Variants in IL7 observed in about 807,000 individuals in gnomAD.
IL7 encodes the protein interleukin 7, also known as interleukin-7.
A neutral mutation model predicts 21.6 loss-of-function variants in IL7; 3 were observed. The observed-to-expected ratio is 0.14, with a 90% CI of 0.06 to 0.36. The LOEUF is 0.36. Among genes scored for constraint, IL7 ranks in the 10% least tolerant of loss-of-function variants. The probability of loss-of-function intolerance (pLI) is 1.00; values close to 1 mark genes in which losing one functional copy is unlikely to be tolerated. For missense variants in IL7, 175 were observed against 200.2 expected, an observed-to-expected ratio of 0.87 and a Z score of 0.76; for synonymous variants, 62 against 68.1, an observed-to-expected ratio of 0.91 and a Z score of 0.44.
chr8:78,775,653 T>G (rs1020604768), intron 2 of IL7, among the ~76,000 whole-genome samples: 7 of 152,130 alleles, frequency 4.6e-5, no homozygotes, highest in East Asian at 3.9e-4. Flanking sequence ...TTTCCAGTCC[T>G]TTTTCTTCCT....
downstream of IL7, chr8:78,715,363 A>T: frequency 6.4e-7 from 1 of 1,552,978 alleles, no homozygotes; most frequent in Non-Finnish European, 8.8e-7. Context: ...TAACTAAAAT[A>T]AAATTGAGTA....
intron 3 of IL7, among the ~76,000 whole-genome samples, chr8:78,686,830 A>G (rs972742052): frequency 3.9e-5 from 6 of 152,112 alleles, no homozygotes; most frequent in African/African-American, 1.4e-4. Context: ...TAATACTTTT[A>G]TTTAAACAAG....
At chr8:78,715,207 C>G, downstream of IL7, 1 of 1,607,538 alleles carries the variant, frequency 6.2e-7, no homozygotes, top group Non-Finnish European at 8.5e-7. Flanking sequence ...CATTATTTTT[C>G]CTCTTTTTTA....
chr8:78,737,827 A>G (rs913963220), intron 4 of IL7, among the ~76,000 whole-genome samples: 23 of 152,134 alleles, frequency 1.5e-4, no homozygotes, highest in Admixed American at 7.2e-4. Flanking sequence ...AAAATAAAGC[A>G]CTGTATTAAA....
downstream of IL7, among the ~76,000 whole-genome samples, chr8:78,727,927 A>T (rs1811364940): frequency 6.6e-6 from 1 of 151,968 alleles, no homozygotes; most frequent in African/African-American, 2.4e-5. Flanking sequence ...TCCTATATCC[A>T]TAGGATATAA....
intron 2 of IL7, chr8:78,762,220 T>C: frequency 1.3e-6 from 2 of 1,580,876 alleles, no homozygotes; most frequent in Non-Finnish European, 1.7e-6. Context: ...AAGGACCAGT[T>C]CTACAGATCA....
intron 3 of IL7, among the ~76,000 whole-genome samples, chr8:78,708,549 CT>C (rs1376787084): frequency 2.0e-5 from 3 of 151,668 alleles, no homozygotes; most frequent in Non-Finnish European, 2.9e-5. Context: ...CTTTTTAAAC[CT>C]TTTTTTAAAT....
chr8:78,740,560 C>T (rs971286698), intron 2 of IL7, among the ~76,000 whole-genome samples: 1 of 152,102 alleles, frequency 6.6e-6, no homozygotes, highest in African/African-American at 2.4e-5. Flanking sequence ...TATAACATAC[C>T]TAAACCCTTT....
intron 2 of IL7, among the ~76,000 whole-genome samples, chr8:78,743,438 T>C (rs1436308293): frequency 6.6e-6 from 1 of 152,166 alleles, no homozygotes; most frequent in Non-Finnish European, 1.5e-5. Flanking sequence ...TTCTGACTGG[T>C]GTGATATGGT....
chr8:78,788,650 T>C (rs1813589939), intron 2 of IL7, among the ~76,000 whole-genome samples: 1 of 152,162 alleles, frequency 6.6e-6, no homozygotes, highest in South Asian at 2.1e-4. Context: ...CAGTACATGT[T>C]CAATTTTGGG....
chr8:78,714,514 A>G (rs1356696039), downstream of IL7, among the ~76,000 whole-genome samples: 1 of 152,168 alleles, frequency 6.6e-6, no homozygotes, highest in Non-Finnish European at 1.5e-5. Context: ...TGCTGTCACA[A>G]AGCTGTCAGT....
At chr8:78,698,337 T>G (rs1810497223) in intron 3 of IL7, 4 of 1,187,382 alleles carry the variant, frequency 3.4e-6, no homozygotes, top group Admixed American at 2.4e-5. Flanking sequence ...ACTAAAGCAT[T>G]GTTTCCTTTG....
intron 3 of IL7, chr8:78,686,578 C>T: frequency 6.6e-7 from 1 of 1,518,692 alleles, no homozygotes; most frequent in East Asian, 2.4e-5. Flanking sequence ...TGGCAAACTT[C>T]CTCCTCCTCC....
At chr8:78,719,693 ATTTG>A (rs1811203254) in intron 5 of IL7, 1 of 151,652 alleles carries the variant, frequency 6.6e-6, no homozygotes, top group African/African-American at 2.4e-5. Context: ...CTTGTCCACT[ATTTG>A]TTTTTTGTTT....
At chr8:78,686,338 A>C in intron 3 of IL7, 1 of 764,322 alleles carries the variant, frequency 1.3e-6, no homozygotes, top group Non-Finnish European at 1.8e-6. Flanking sequence ...AAATTTGAGA[A>C]GGATATCATT....
intron 4 of IL7, 24 bp from the exon 5 acceptor site, chr8:78,736,551 A>C (rs377048249): frequency 4.0e-5 from 59 of 1,491,924 alleles, no homozygotes; most frequent in Non-Finnish European, 5.5e-5. Flanking sequence ...TCACATTTAT[A>C]ATATTGAATA....
chr8:78,787,748 C>T (rs1359772278), intron 2 of IL7, among the ~76,000 whole-genome samples: 3 of 152,192 alleles, frequency 2.0e-5, no homozygotes, highest in African/African-American at 7.2e-5. Flanking sequence ...CACGGCCTCT[C>T]TTCAAAGTGG....
rs369460395 is a variant in IL7, at chr8:78,738,623, A to G, written c.241T>C (p.Leu81=). ...CTCAACTTGCGAGCAGCACGGAATA[A>G]AAACATACCTTCCTATTATAGGAAA... ...ICDANKEGMF[L]FRAARKLRQF... Residue 81 remains leucine (L), a synonymous_variant, in exon 4 of 6, where the codon TTA becomes CTA. Coordinates refer to ENST00000263851, the MANE Select transcript of IL7 (RefSeq NM_000880.4). 6.2e-7 allele frequency: 1 copy of G among 1,613,456 alleles called. No homozygotes were observed. The highest frequency in any genetic ancestry group is 1.1e-5 in the South Asian group (1 of 91,008).
rs930257152 is a variant in IL7 at position 78,756,418 on chromosome 8, T to C, written c.148-16336A>G. On this transcript the variant is annotated intron_variant, in intron 2 of 5. Coordinates refer to ENST00000263851, the MANE Select transcript of IL7 (RefSeq NM_000880.4). ...CATTTGTCTTGCTTTAAAAGTTTGG[T>C]AGAACTCAGAAATAAAGCCATCTGG... Among the ~76,000 whole-genome samples, 5 of 151,972 alleles carry C rather than the reference T, an allele frequency of 3.3e-5. No homozygotes were observed. In the South Asian group the frequency reaches 6.2e-4, roughly 19 times the overall value.
Sources: allele counts gnomAD v4.1 joint callset (sites outside exome capture counted in the v4.1 genomes callset), GRCh38; gene constraint gnomAD v4.1.1; transcripts MANE v1.5; gene names NCBI Gene and HGNC (gene_info 2026-07-23, HGNC 2026-07-21).